The following IP6K1 variants were observed in gnomAD, a reference collection of about 807,000 sequenced individuals.
IP6K1 encodes ATP:1D-myo-inositol-hexakisphosphate phosphotransferase.
IP6K1 carries 13 observed loss-of-function variants against 38.3 expected under a neutral mutation model. The observed-to-expected ratio is 0.34, with a 90% confidence interval of 0.22 to 0.54. The LOEUF (loss-of-function observed/expected upper bound fraction) is 0.54, where lower values mean the gene tolerates loss of function less well. IP6K1 is among the 20% of genes least tolerant of loss of function. The pLI, the probability that IP6K1 is intolerant of heterozygous loss-of-function variation, is 0.92. For synonymous variants in IP6K1, 212 were observed against 229.9 expected (o/e 0.92, Z 0.70); for missense variants, 397 against 599.8 (o/e 0.66, Z 3.53).
chr3:49,743,213 C>T (rs2080686835), intron 2 of IP6K1, among the ~76,000 whole-genome samples: 1 of 145,706 alleles, frequency 6.9e-6, no homozygotes, highest in South Asian at 2.2e-4. Context: ...AAGCAAGACC[C>T]TATCTCAAAA....
chr3:49,767,952 T>A (rs2080926359), intron 1 of IP6K1, among the ~76,000 whole-genome samples: 1 of 149,384 alleles, frequency 6.7e-6, no homozygotes, highest in African/African-American at 2.5e-5. Flanking sequence ...CCAAAAAATA[T>A]GCAAAAAGAT....
intron 4 of IP6K1, among the ~76,000 whole-genome samples, chr3:49,730,744 T>C (rs1267025382): frequency 6.6e-6 from 1 of 151,984 alleles, no homozygotes; most frequent in Non-Finnish European, 1.5e-5. Flanking sequence ...GAGATGGAGT[T>C]TCACTCTTGT....
intron 1 of IP6K1, among the ~76,000 whole-genome samples, chr3:49,768,553 T>C (rs1409710045): frequency 2.0e-5 from 3 of 152,152 alleles, no homozygotes; most frequent in Non-Finnish European, 4.4e-5. Context: ...GTGGATCACT[T>C]GAGGTCAGGA....
chr3:49,751,145 C>G (rs1480757293), intron 1 of IP6K1, among the ~76,000 whole-genome samples: 1 of 73,774 alleles, frequency 1.4e-5, no homozygotes, highest in East Asian at 3.9e-4. Flanking sequence ...ACGGCTCTGA[C>G]TCCTTTTTTT....
intron 1 of IP6K1, among the ~76,000 whole-genome samples, chr3:49,757,496 T>A (rs1388118188): frequency 6.6e-6 from 1 of 151,884 alleles, no homozygotes; most frequent in Admixed American, 6.6e-5. Context: ...GGCTGAGATG[T>A]GTGGATCGCC....
intron 1 of IP6K1, among the ~76,000 whole-genome samples, chr3:49,767,721 T>C (rs771135340): frequency 6.6e-6 from 1 of 152,052 alleles, no homozygotes; most frequent in African/African-American, 2.4e-5. Flanking sequence ...CCCTGAGCAA[T>C]ATAGTGAGAT....
intron 1 of IP6K1, among the ~76,000 whole-genome samples, chr3:49,754,789 T>C (rs984269290): frequency 1.1e-4 from 17 of 152,170 alleles, no homozygotes; most frequent in Non-Finnish European, 1.8e-4. Context: ...CCAGATTCTT[T>C]AGTTGGGCAG....
At chr3:49,743,280 A>ACT (rs2080689041) in intron 2 of IP6K1, among the ~76,000 whole-genome samples, 2 of 141,978 alleles carry the variant, frequency 1.4e-5, no homozygotes, top group Non-Finnish European at 3.1e-5. Context: ...ACACACACAC[A>ACT]CTTACCTTTC....
chr3:49,766,326 G>A (rs1464739995), intron 1 of IP6K1, among the ~76,000 whole-genome samples: 1 of 151,576 alleles, frequency 6.6e-6, no homozygotes, highest in Non-Finnish European at 1.5e-5. Flanking sequence ...CCAAGATCGC[G>A]CCACTGCACT....
intron 3 of IP6K1, among the ~76,000 whole-genome samples, chr3:49,733,388 T>C (rs2080580504): frequency 6.6e-6 from 1 of 152,150 alleles, no homozygotes; most frequent in Admixed American, 6.6e-5. Context: ...TAGATTTATA[T>C]ATAACTCAGC....
intron 1 of IP6K1, among the ~76,000 whole-genome samples, chr3:49,752,436 C>T (rs569848722): frequency 6.6e-6 from 1 of 151,434 alleles, no homozygotes; most frequent in South Asian, 2.1e-4. Context: ...TTGCAGTGAG[C>T]CGAGATCGCG....
At chr3:49,736,004 C>A (rs867228833) in intron 3 of IP6K1, among the ~76,000 whole-genome samples, 6 of 152,272 alleles carry the variant, frequency 3.9e-5, no homozygotes, top group Middle Eastern at 3.4e-3. Context: ...GCAACCTCCA[C>A]CTCCTGGGTT....
chr3:49,758,446 G>C (rs2108246804), intron 1 of IP6K1: 1 of 152,144 alleles, frequency 6.6e-6, no homozygotes, highest in East Asian at 1.9e-4. Context: ...TGGTAATGAG[G>C]CTGACATACC....
chr3:49,733,670 G>A (rs2080582446), intron 3 of IP6K1, among the ~76,000 whole-genome samples: 1 of 152,172 alleles, frequency 6.6e-6, no homozygotes, highest in Non-Finnish European at 1.5e-5. Flanking sequence ...GATAAATATT[G>A]CATGATTCTA....
At chr3:49,741,641 C>A (rs917133975) in intron 2 of IP6K1, among the ~76,000 whole-genome samples, 1 of 152,060 alleles carries the variant, frequency 6.6e-6, no homozygotes, top group Admixed American at 6.6e-5. Context: ...TTTAACAGTC[C>A]CAAACACTTT....
Position 49,772,559 on chromosome 3 carries a change from C to T in IP6K1, c.-129+13795G>A, listed in dbSNP as rs556905447. Among the ~76,000 whole-genome samples the T allele has an allele frequency of 2.1e-4, 32 of 151,666 alleles. No homozygotes were observed. The South Asian group carries it at 2.3e-3, about 11-fold the overall frequency. ...CTGGGACTATAGGCACATGCTGCCA[C>T]ACCCAGCTAATTTTTTTATTTTTTG... On this transcript the variant is annotated intron_variant, in intron 1 of 5. Coordinates refer to ENST00000321599, the MANE Select transcript of IP6K1 (RefSeq NM_153273.4).
At chr3:49,745,651 T>A (rs2080714294) in intron 2 of IP6K1, among the ~76,000 whole-genome samples, 1 of 152,124 alleles carries the variant, frequency 6.6e-6, no homozygotes, top group South Asian at 2.1e-4. Flanking sequence ...AGTCAGGAGT[T>A]CGAAAGCAGC....
At chr3:49,770,813 C>G (rs1303136587) in intron 1 of IP6K1, among the ~76,000 whole-genome samples, 1 of 152,076 alleles carries the variant, frequency 6.6e-6, no homozygotes, top group African/African-American at 2.4e-5. Context: ...TTGAAAACCT[C>G]TGATTATTTA....
chr3:49,740,893 G>A (rs555439292), intron 2 of IP6K1, among the ~76,000 whole-genome samples: 4 of 142,770 alleles, frequency 2.8e-5, no homozygotes, highest in East Asian at 2.0e-4. Context: ...TTGCTCTGTC[G>A]CCCAGGCTGG....
Sources: gnomAD v4.1 joint callset for allele counts (sites outside exome capture counted in the v4.1 genomes callset) on GRCh38, gnomAD v4.1.1 for gene constraint, MANE v1.5 for transcripts, NCBI Gene and HGNC (gene_info 2026-07-23, HGNC 2026-07-21) for gene names.